PACS2: variants seen among roughly 807,000 people sequenced by gnomAD.
PACS2 encodes the protein phosphofurin acidic cluster sorting protein 2, also known as PACS1-like protein.
A neutral mutation model predicts 113.0 loss-of-function variants in PACS2; 36 were observed. That is an observed-to-expected ratio of 0.32 (90% CI 0.24 to 0.42). The LOEUF (loss-of-function observed/expected upper bound fraction) is 0.42. Among genes scored for constraint, PACS2 ranks in the 10% least tolerant of loss-of-function variants. PACS2 has a pLI of 1.00. For synonymous variants in PACS2, 589 were observed against 536.1 expected (o/e 1.10, Z -1.36); for missense variants, 1,015 against 1,239.5 (o/e 0.82, Z 2.72).
At chr14:105,374,189 A>G (rs1247665530) in intron 8 of PACS2, among the ~76,000 whole-genome samples, 1 of 151,980 alleles carries the variant, frequency 6.6e-6, no homozygotes, top group Non-Finnish European at 1.5e-5. Context: ...TGGATCAAAT[A>G]TCTCCATCTG....
intron 19 of PACS2, chr14:105,389,738 A>G: frequency 1.7e-6 from 1 of 591,228 alleles, no homozygotes; most frequent in Non-Finnish European, 3.0e-6. Context: ...GCATGTCAGC[A>G]TGTCAGAAGG....
At chr14:105,371,353 C>G (rs1555409366) in intron 8 of PACS2, 2 of 152,354 alleles carry the variant, frequency 1.3e-5, no homozygotes, top group Admixed American at 1.3e-4. Flanking sequence ...GGGTTCTGCA[C>G]TCACCTGGGC....
rs782205107 is a variant in PACS2, at chr14:105,394,685, G to C, written c.*13G>C. 3.2e-6 allele frequency: 5 copies of C among 1,547,494 alleles called. No individual in the cohort carries two copies. Among genetic ancestry groups the C allele is most frequent in the South Asian group, 1.1e-5 (1 of 89,864 alleles). On this transcript the variant is annotated 3_prime_UTR_variant, in exon 25 of 25. Transcript: ENST00000447393. The stretch of plus-strand genomic sequence containing the variant: ...GGCCACCTTCTAGCCCCACCCACCA[G>C]GGGGCCCACCTCCTGCCCCATGCTG...
At chr14:105,369,636 C>G (rs2061076503) in intron 7 of PACS2, among the ~76,000 whole-genome samples, 1 of 152,234 alleles carries the variant, frequency 6.6e-6, no homozygotes, top group Admixed American at 6.5e-5. Context: ...CCCCGGGTCC[C>G]CCTTGGCCAG....
At chr14:105,369,130 A>C (rs2061056615) in intron 7 of PACS2, among the ~76,000 whole-genome samples, 1 of 152,232 alleles carries the variant, frequency 6.6e-6, no homozygotes, top group South Asian at 2.1e-4. Context: ...GGACATGGGC[A>C]CAGCCCAGCC....
chr14:105,346,410 C>T (rs1461001619), intron 1 of PACS2, among the ~76,000 whole-genome samples: 1 of 151,842 alleles, frequency 6.6e-6, no homozygotes, highest in African/African-American at 2.4e-5. Context: ...AGGCACTGCT[C>T]GCGTCTGCAG....
At position 105,394,855 on chromosome 14, in the gene PACS2, C is replaced by G. The variant is rs1160465944; in HGVS notation, c.*183C>G. 3.4e-6 allele frequency: 2 copies of G among 596,196 alleles called. No individual in the cohort carries two copies. The highest frequency in any genetic ancestry group is 6.1e-6 in the Non-Finnish European group (2 of 329,638). The allele number at this position is 596,196 out of a possible 1,614,324, so 36.9% of individuals were successfully genotyped here. A position where few individuals can be genotyped will look rare whatever the true frequency, so the allele number is the denominator to read the frequency against. ...GCTCCTGCCAGGAGCCGAATAACTG[C>G]TCTGCTTATTAACCCGAACGTTCGG... On this transcript the variant is annotated 3_prime_UTR_variant, in exon 25 of 25. Coordinates refer to ENST00000447393, the MANE Select transcript of PACS2 (RefSeq NM_001100913.3).
chr14:105,394,300 C>T (rs868939207), intron 24 of PACS2: 7 of 985,200 alleles, frequency 7.1e-6, no homozygotes, highest in Non-Finnish European at 8.4e-6. Context: ...GCAGGCAGCC[C>T]TGGGGGAAAT....
At position 105,352,666 on chromosome 14, in the gene PACS2, G is replaced by A. The variant is rs367978643; in HGVS notation, c.297+199G>A. ...GGGGAGACGGGCACCCCTCATCACC[G>A]TCCCCTGGGGCGACGGGCCCCGTCA... On this transcript the variant is annotated intron_variant, in intron 3 of 24. Coordinates refer to ENST00000447393, the MANE Select transcript of PACS2 (RefSeq NM_001100913.3). Among the ~76,000 whole-genome samples, 92 of 128,440 alleles carry A rather than the reference G, an allele frequency of 7.2e-4. 1 individual carries two copies. In the East Asian group the frequency reaches 0.014, roughly 20 times the overall value. The allele number at this position is 128,440 out of a possible 152,430, so 84.3% of individuals were successfully genotyped here. A position where few individuals can be genotyped will look rare whatever the true frequency, so the allele number is the denominator to read the frequency against.
chr14:105,374,535 G>A (rs2061273970), intron 8 of PACS2: 1 of 152,226 alleles, frequency 6.6e-6, no homozygotes, highest in Non-Finnish European at 1.5e-5. Context: ...CAGGTGCCAC[G>A]GAGCTGGGGC....
chr14:105,355,308 CTGGG>C lies in PACS2; in HGVS notation c.423+132_423+135del. On this transcript the variant is annotated intron_variant, in intron 4 of 24. Transcript: ENST00000447393. This position sits in a 1 kb window ranked among gnomAD's most constrained non-coding sequence, Gnocchi z 4.1. ...ATCAGGTGAAAATGATGAGAGGAGC[CTGGG>C]CGGCCGGGCTCCGCCATAAGGGCCA... The C allele has an allele frequency of 5.2e-6, 6 of 1,162,458 alleles. No homozygotes were observed. Among genetic ancestry groups the C allele is most frequent in the Non-Finnish European group, 7.1e-6 (6 of 848,672 alleles). 72.0% of individuals were successfully genotyped at this position (1,162,458 alleles called of 1,614,324 possible). A position where few individuals can be genotyped will look rare whatever the true frequency, so the allele number is the denominator to read the frequency against.
At chr14:105,319,658 CT>C (rs1339121889) in intron 1 of PACS2, among the ~76,000 whole-genome samples, 1 of 152,146 alleles carries the variant, frequency 6.6e-6, no homozygotes, top group Non-Finnish European at 1.5e-5. Context: ...AATCCTCATA[CT>C]TTTCTTTCTT....
Position 105,315,022 on chromosome 14 carries a change from C to G in PACS2, c.104C>G (p.Pro35Arg). 8.2e-7 allele frequency: 1 copy of G among 1,225,998 alleles called. No individual in the cohort carries two copies. Among genetic ancestry groups the G allele is most frequent in the South Asian group, 1.8e-5 (1 of 54,734 alleles). 75.9% of individuals were successfully genotyped at this position (1,225,998 alleles called of 1,614,324 possible). A position where few individuals can be genotyped will look rare whatever the true frequency, so the allele number is the denominator to read the frequency against. ...FATWEVDGSS[P>R]SCVPRLCSLT... ...ACCTGGGAGGTGGACGGCTCCAGCC[C>G]CAGCTGCGTGCCCAGGTACGCGCCG... The change falls in exon 1 of 25, where the codon CCC becomes CGC. Residue 35 changes from proline to arginine, a missense_variant. By Grantham distance (103) the Pro-to-Arg change is moderately radical. This residue lies in a region of PACS2 where 140 missense variants were observed against 135.1 expected (regional missense o/e 1.04). Transcript: ENST00000447393. This position sits in a 1 kb window ranked among gnomAD's most constrained non-coding sequence, Gnocchi z 4.4.
chr14:105,345,890 G>GTCCC (rs2059902204), intron 1 of PACS2, among the ~76,000 whole-genome samples: 1 of 152,206 alleles, frequency 6.6e-6, no homozygotes, highest in East Asian at 1.9e-4. Context: ...CAGGACGAGG[G>GTCCC]TCCCTGCTGG....
upstream of PACS2, chr14:105,314,747 C>G (rs1047995394): frequency 4.0e-5 from 6 of 148,196 alleles, no homozygotes; most frequent in African/African-American, 1.2e-4. Context: ...GCGGAGCGGC[C>G]GCAGCTCGTC....
intron 8 of PACS2, chr14:105,374,702 T>TA (rs2061281931): frequency 1.3e-5 from 2 of 152,170 alleles, no homozygotes; most frequent in Non-Finnish European, 2.9e-5. Flanking sequence ...AGCTGCAATG[T>TA]AAAATCCCTG....
intron 2 of PACS2, among the ~76,000 whole-genome samples, chr14:105,351,628 A>G (rs1279515276): frequency 6.6e-6 from 1 of 152,208 alleles, no homozygotes; most frequent in Non-Finnish European, 1.5e-5. Context: ...GCTTGAACTC[A>G]GGAGTTGGAG....
At position 105,354,501 on chromosome 14, in the gene PACS2, A is replaced by G. The variant is rs1183472617; in HGVS notation, c.298-551A>G. Among the ~76,000 whole-genome samples the G allele has an allele frequency of 6.6e-6, 1 of 152,152 alleles. No individual in the cohort carries two copies. The highest frequency in any genetic ancestry group is 1.5e-5 in the Non-Finnish European group (1 of 68,020). On this transcript the variant is annotated intron_variant, in intron 3 of 24. Transcript: ENST00000447393. This position sits in a 1 kb window ranked among gnomAD's most constrained non-coding sequence, Gnocchi z 4.2. ...CAGCCCCATTTTCCCCTAAGTATTT[A>G]AACTGATTTTTATTTGTGAACTCTG...
chr14:105,310,533 CAAAAA>C (rs764203821), upstream of PACS2, among the ~76,000 whole-genome samples: 7 of 79,742 alleles, frequency 8.8e-5, no homozygotes. Context: ...GACTCTGTCT[CAAAAA>C]AAAAAAAAAA....
Sources: allele counts gnomAD v4.1 joint callset (sites outside exome capture counted in the v4.1 genomes callset), GRCh38; gene constraint gnomAD v4.1.1; regional missense constraint gnomAD v4.1.1; non-coding constraint Gnocchi (gnomAD v3.1); transcripts MANE v1.5; gene names NCBI Gene and HGNC (gene_info 2026-07-23, HGNC 2026-07-21).